The following NOP53 variants were observed in gnomAD, a reference collection of about 807,000 sequenced individuals.
NOP53 encodes NOP53 ribosome biogenesis factor.
NOP53 carries 40 observed loss-of-function variants against 61.0 expected under a neutral mutation model. The observed-to-expected ratio is 0.66, with a 90% CI of 0.51 to 0.85. The LOEUF (loss-of-function observed/expected upper bound fraction) is 0.85. NOP53 is among the 40% of genes least tolerant of loss of function. NOP53 has a pLI of 0.00. For synonymous variants in NOP53, 308 were observed against 289.5 expected (o/e 1.06, Z -0.65); for missense variants, 689 against 652.9 (o/e 1.06, Z -0.60).
In NOP53 at chr19:47,754,502, A is replaced by G; in HGVS notation, c.766-25A>G. 1 of 1,507,116 alleles carries G rather than the reference A, an allele frequency of 6.6e-7. No homozygotes were observed. The highest frequency in any genetic ancestry group is 1.4e-5 in the African/African-American group (1 of 72,118). The allele number at this position is 1,507,116 out of a possible 1,614,324, so 93.4% of individuals were successfully genotyped here. A position where few individuals can be genotyped will look rare whatever the true frequency, so the allele number is the denominator to read the frequency against. On this transcript the variant is annotated intron_variant, in intron 6 of 12. Transcript: ENST00000246802. The surrounding 1 kb of genome is among the most constrained non-coding windows in gnomAD (Gnocchi z 4.2). ...TCAGTGTCCCAGGAGGGGTTCAGGG[A>G]CCCATCCTCACTCCCGCCCCTCAGA...
At chr19:47,747,705 C>A (rs557697880) in intron 2 of NOP53, among the ~76,000 whole-genome samples, 2 of 151,784 alleles carry the variant, frequency 1.3e-5, no homozygotes, top group Non-Finnish European at 2.9e-5. Context: ...GATTCTCCTG[C>A]CTCAGCCTCC....
At chr19:47,751,671 C>A in intron 5 of NOP53, 81 bp downstream of exon 5, 1 of 1,088,902 alleles carries the variant, frequency 9.2e-7, no homozygotes, top group Non-Finnish European at 1.4e-6. Context: ...GCAGTAGAGT[C>A]TGTCTCAGAG....
Position 47,756,670 on chromosome 19 carries a change from C to T in NOP53, c.1374-18C>T. On this transcript the variant is annotated intron_variant, in intron 11 of 12. Coordinates refer to ENST00000246802, the MANE Select transcript of NOP53 (RefSeq NM_015710.5). ...GGATTGGCCCCGGGCACTGATTGCT[C>T]CATTGTCCCTGCTCCAGGTTCAAAC... 1 of 1,613,886 alleles carries T rather than the reference C, an allele frequency of 6.2e-7. No homozygotes were observed. Among genetic ancestry groups the T allele is most frequent in the Non-Finnish European group, 8.5e-7 (1 of 1,179,928 alleles).
chr19:47,754,787 C>A lies in NOP53; in HGVS notation c.949C>A (p.Pro317Thr). 1 of 1,527,328 alleles carries A rather than the reference C, an allele frequency of 6.5e-7. No homozygotes were observed. Among genetic ancestry groups the A allele is most frequent in the East Asian group, 2.4e-5 (1 of 41,462 alleles). 94.6% of individuals were successfully genotyped at this position (1,527,328 alleles called of 1,614,324 possible). A position where few individuals can be genotyped will look rare whatever the true frequency, so the allele number is the denominator to read the frequency against. The stretch of plus-strand genomic sequence containing the variant: ...GGGGGAGCCAGGCCAGGGCGAGGGG[C>A]CGGAGGCTGGGGATGCCGAGGTCTG... ...GEGEPGQGEG[P>T]EAGDAEVCPT... is the part of the protein sequence containing the mutation. The change falls in exon 8 of 13, where the codon CCG (proline) becomes ACG (threonine). Residue 317 changes from proline to threonine, a missense_variant. Physicochemically the swap from Pro to Thr is conservative, Grantham distance 38 (BLOSUM62 -1). Transcript: ENST00000246802. This position sits in a 1 kb window ranked among gnomAD's most constrained non-coding sequence, Gnocchi z 4.2.
chr19:47,748,522 G>C lies in NOP53; in HGVS notation c.289+1491G>C, dbSNP rs540131903. Among the ~76,000 whole-genome samples, 8 of 152,264 alleles carry C rather than the reference G, an allele frequency of 5.3e-5. No homozygotes were observed. The South Asian group carries it at 1.7e-3, about 32-fold the overall frequency. On this transcript the variant is annotated intron_variant, in intron 2 of 12. Coordinates refer to ENST00000246802, the MANE Select transcript of NOP53 (RefSeq NM_015710.5). ...AAAGGGTATGTTTTAATGAAAATGA[G>C]CGGACCTGGTTCAGTGACCAGATAG...
chr19:47,754,963 G>A lies in NOP53; in HGVS notation c.1053+72G>A. The A allele has an allele frequency of 2.9e-6, 4 of 1,373,612 alleles. No homozygotes were observed. The highest frequency in any genetic ancestry group is 1.9e-6 in the Non-Finnish European group (2 of 1,042,214). 85.1% of individuals were successfully genotyped at this position (1,373,612 alleles called of 1,614,324 possible). A position where few individuals can be genotyped will look rare whatever the true frequency, so the allele number is the denominator to read the frequency against. On this transcript the variant is annotated intron_variant, in intron 8 of 12. Transcript: ENST00000246802. This position sits in a 1 kb window ranked among gnomAD's most constrained non-coding sequence, Gnocchi z 4.2. ...TCCTTCCTTCCTCCCACCATGGGCT[G>A]CCCTGGGTGCTGCGGGCAGCCTGCA...
At chr19:47,750,096 C>G (rs962558611) in intron 2 of NOP53, 82 bp from the exon 3 acceptor site, 4 of 847,376 alleles carry the variant, frequency 4.7e-6, no homozygotes, top group Non-Finnish European at 8.0e-6. Flanking sequence ...GGTCTGATGG[C>G]TCCCATGGAG....
intron 5 of NOP53, among the ~76,000 whole-genome samples, chr19:47,752,275 C>A (rs56306341): frequency 6.6e-6 from 1 of 152,108 alleles, no homozygotes; most frequent in African/African-American, 2.4e-5. Context: ...CTGCTGGACC[C>A]CAAGTGTTAG....
chr19:47,754,933 C>G lies in NOP53; in HGVS notation c.1053+42C>G. On this transcript the variant is annotated intron_variant, in intron 8 of 12. Coordinates refer to ENST00000246802, the MANE Select transcript of NOP53 (RefSeq NM_015710.5). The surrounding 1 kb of genome is among the most constrained non-coding windows in gnomAD (Gnocchi z 4.2). ...GCGGGGCCTGCCTCTGATGCCTCGC[C>G]CCCTTCCTTCCTTCCTCCCACCATG... The G allele has an allele frequency of 6.9e-7, 1 of 1,456,446 alleles. No homozygotes were observed. The highest frequency in any genetic ancestry group is 9.0e-7 in the Non-Finnish European group (1 of 1,108,960). The allele number at this position is 1,456,446 out of a possible 1,614,324, so 90.2% of individuals were successfully genotyped here.
At position 47,755,499 on chromosome 19, in the gene NOP53, A is replaced by C; in HGVS notation, c.1205A>C (p.Lys402Thr). ...RQARREAEAD[K>T]PRRLGRLKYQ... ...GCGCGGCGGGAGGCTGAGGCTGACA[A>C]GCCCCGAAGGCTGGGGCGGCTCAAG... is the stretch of plus-strand genomic sequence containing the variant. Residue 402 changes from lysine to threonine, a missense_variant, in exon 9 of 13, where the codon AAG becomes ACG. Coordinates refer to ENST00000246802, the MANE Select transcript of NOP53 (RefSeq NM_015710.5). 1 of 1,476,556 alleles carries C rather than the reference A, an allele frequency of 6.8e-7. No homozygotes were observed. Among genetic ancestry groups the C allele is most frequent in the African/African-American group, 1.4e-5 (1 of 69,104 alleles). The allele number at this position is 1,476,556 out of a possible 1,614,324, so 91.5% of individuals were successfully genotyped here. A position where few individuals can be genotyped will look rare whatever the true frequency, so the allele number is the denominator to read the frequency against.
intron 8 of NOP53, 41 bp from the exon 9 acceptor site, chr19:47,755,307 G>A (rs1469665609): frequency 7.4e-7 from 1 of 1,345,228 alleles, no homozygotes; most frequent in Non-Finnish European, 9.8e-7. Context: ...CCCTGTGTGG[G>A]CAGCACCGGC....
intron 2 of NOP53, among the ~76,000 whole-genome samples, chr19:47,748,722 C>T (rs1967091908): frequency 6.6e-6 from 1 of 152,092 alleles, no homozygotes; most frequent in Non-Finnish European, 1.5e-5. Flanking sequence ...TGGCGAAACC[C>T]CGTCTCTACT....
chr19:47,755,646 C>G lies in NOP53; in HGVS notation c.1230-110C>G, dbSNP rs1389043397. On this transcript the variant is annotated intron_variant, in intron 9 of 12. Coordinates refer to ENST00000246802, the MANE Select transcript of NOP53 (RefSeq NM_015710.5). Reference sequence around the variant, plus strand: ...CCCATCGGGAGACCACCTCTTCCCCCACAAAACCCCACATTCTCAGAGGCC... The same window carrying G: ...CCCATCGGGAGACCACCTCTTCCCCGACAAAACCCCACATTCTCAGAGGCC... 22 of 1,345,122 alleles carry G rather than the reference C, an allele frequency of 1.6e-5. No homozygotes were observed. In the South Asian group the frequency reaches 1.7e-4, roughly 11 times the overall value. 83.3% of individuals were successfully genotyped at this position (1,345,122 alleles called of 1,614,324 possible). A position where few individuals can be genotyped will look rare whatever the true frequency, so the allele number is the denominator to read the frequency against.
chr19:47,752,055 C>T (rs960448114), intron 5 of NOP53, among the ~76,000 whole-genome samples: 5 of 151,560 alleles, frequency 3.3e-5, no homozygotes, highest in Admixed American at 3.3e-4. Flanking sequence ...GGCAGTGAGC[C>T]GAGATCATGC....
Position 47,750,207 on chromosome 19 carries a change from A to G in NOP53, c.319A>G (p.Lys107Glu). 1 of 1,612,226 alleles carries G rather than the reference A, an allele frequency of 6.2e-7. No homozygotes were observed. Among genetic ancestry groups the G allele is most frequent in the Non-Finnish European group, 8.5e-7 (1 of 1,178,298 alleles). Residue 107 changes from lysine (K) to glutamate (E), a missense_variant, in exon 3 of 13, where the codon AAG becomes GAG. Coordinates refer to ENST00000246802, the MANE Select transcript of NOP53 (RefSeq NM_015710.5). ...GACAAAGAAGAGAACCAAAGTCCAG[A>G]AGAAGTCACTGCTTCTCAAGAAACC... The part of the protein sequence containing the change: ...GLTKKRTKVQ[K>E]KSLLLKKPLR...
At position 47,756,512 on chromosome 19, in the gene NOP53, C is replaced by T. The variant is rs749881507; in HGVS notation, c.1297-16C>T. ...TTCTGCCAGGCCCTGCTGAGGCCTC[C>T]CTCTCTGTCCTGTAGCCCGAGGGCA... On this transcript the variant is annotated splice_polypyrimidine_tract_variant and intron_variant, in intron 10 of 12. Transcript: ENST00000246802. 1.9e-6 allele frequency: 3 copies of T among 1,610,870 alleles called. No homozygotes were observed. The highest frequency in any genetic ancestry group is 3.3e-5 in the Admixed American group (2 of 59,992).
At position 47,754,772 on chromosome 19, in the gene NOP53, G is replaced by T. The variant is rs1198458868; in HGVS notation, c.934G>T (p.Gly312Cys). ...LEESDGEGEP[G>C]QGEGPEAGDA... ...GGAGTCGGATGGTGAGGGGGAGCCA[G>T]GCCAGGGCGAGGGGCCGGAGGCTGG... Residue 312 changes from glycine (G) to cysteine (C), a missense_variant, in exon 8 of 13, where the codon GGC becomes TGC. Gly to Cys is a radical substitution (Grantham distance 159). Coordinates refer to ENST00000246802, the MANE Select transcript of NOP53 (RefSeq NM_015710.5). This position sits in a 1 kb window ranked among gnomAD's most constrained non-coding sequence, Gnocchi z 4.2. 2 of 1,526,084 alleles carry T rather than the reference G, an allele frequency of 1.3e-6. No individual in the cohort carries two copies. Among genetic ancestry groups the T allele is most frequent in the Non-Finnish European group, 1.8e-6 (2 of 1,134,318 alleles). The allele number at this position is 1,526,084 out of a possible 1,614,324, so 94.5% of individuals were successfully genotyped here. A position where few individuals can be genotyped will look rare whatever the true frequency, so the allele number is the denominator to read the frequency against.
chr19:47,748,300 G>T (rs1233197320), intron 2 of NOP53, among the ~76,000 whole-genome samples: 1 of 152,010 alleles, frequency 6.6e-6, no homozygotes, highest in Admixed American at 6.6e-5. Context: ...CTTGCCTTAA[G>T]TTGCTAGAAT....
Position 47,756,536 on chromosome 19 carries a change from C to T in NOP53, c.1305C>T (p.Gly435=), listed in dbSNP as rs1363216198. The T allele has an allele frequency of 1.2e-6, 2 of 1,613,800 alleles. No homozygotes were observed. Among genetic ancestry groups the T allele is most frequent in the East Asian group, 2.2e-5 (1 of 44,870 alleles). ...CCCTCTCTGTCCTGTAGCCCGAGGG[C>T]AACATCCTTCGAGACCGGTTCAAGA... ...TDSLRTLKPE[G]NILRDRFKSF... Residue 435 remains glycine, a synonymous_variant, in exon 11 of 13, where the codon GGC becomes GGT. Transcript: ENST00000246802.
Sources: allele counts gnomAD v4.1 joint callset (sites outside exome capture counted in the v4.1 genomes callset), GRCh38; gene constraint gnomAD v4.1.1; non-coding constraint Gnocchi (gnomAD v3.1); transcripts MANE v1.5; gene names NCBI Gene and HGNC (gene_info 2026-07-23, HGNC 2026-07-21).